SPAG17: variants seen among roughly 807,000 people sequenced by gnomAD.
The protein encoded by SPAG17 is sperm-associated antigen 17.
In SPAG17, 169 loss-of-function variants were observed where a neutral mutation model predicts 273.6. The ratio of observed to expected loss-of-function variants is 0.62; its 90% CI spans 0.55 to 0.70. SPAG17 has a LOEUF of 0.70. Ranked by LOEUF, SPAG17 falls within the 30% of genes least tolerant of loss-of-function variation. SPAG17 has a pLI of 0.00. For missense variants in SPAG17, 2,557 were observed against 2,627.8 expected, an observed-to-expected ratio of 0.97 and a Z score of 0.59; for synonymous variants, 825 against 873.2, an observed-to-expected ratio of 0.94 and a Z score of 0.97.
chr1:118,104,871 G>A (rs1656290362), intron 4 of SPAG17, among the ~76,000 whole-genome samples: 1 of 152,156 alleles, frequency 6.6e-6, no homozygotes, highest in Non-Finnish European at 1.5e-5. Flanking sequence ...AGAGCTCTGA[G>A]TTGTTCAGTG....
intron 18 of SPAG17, among the ~76,000 whole-genome samples, chr1:118,057,550 T>C (rs528903019): frequency 6.6e-6 from 1 of 152,160 alleles, no homozygotes; most frequent in South Asian, 2.1e-4. Flanking sequence ...GAGAACAAAA[T>C]AAATATTAAA....
intron 28 of SPAG17, among the ~76,000 whole-genome samples, chr1:118,018,669 C>T (rs998038304): frequency 9.1e-6 from 1 of 109,434 alleles, no homozygotes; most frequent in African/African-American, 3.5e-5. Flanking sequence ...TTCACTGCTA[C>T]AAAAAAAAAA....
chr1:118,085,988 G>C lies in SPAG17; in HGVS notation c.1696C>G (p.Pro566Ala). The change falls in exon 13 of 49, where the codon CCC (proline) becomes GCC (alanine). Residue 566 changes from proline to alanine, a missense_variant. Pro to Ala is a conservative substitution (Grantham distance 27). Coordinates refer to ENST00000336338, the MANE Select transcript of SPAG17 (RefSeq NM_206996.4). Reference sequence around the variant, plus strand: ...CGTTTAGTGTTGTTCCATGGTGGGGGTAGAGGGAATTGAAGAAATTCCCAC... The same window carrying C: ...CGTTTAGTGTTGTTCCATGGTGGGGCTAGAGGGAATTGAAGAAATTCCCAC... ...PLWEFLQFPLPPPWNNTKRLA... is the reference protein window; with the variant it reads ...PLWEFLQFPLAPPWNNTKRLA... 1 of 1,613,774 alleles carries C rather than the reference G, an allele frequency of 6.2e-7. No individual in the cohort carries two copies. Among genetic ancestry groups the C allele is most frequent in the Non-Finnish European group, 8.5e-7 (1 of 1,179,886 alleles).
At chr1:117,992,418 T>C (rs778980883) in intron 36 of SPAG17, 48 bp downstream of exon 36, 6 of 1,499,642 alleles carry the variant, frequency 4.0e-6, no homozygotes, top group Admixed American at 2.3e-5. Context: ...AAAGCAATGA[T>C]TGCTCTGTTT....
rs373099014 is a variant in SPAG17 at position 118,073,329 on chromosome 1, C to T, written c.2385+525G>A. On this transcript the variant is annotated intron_variant, in intron 17 of 48. Transcript: ENST00000336338. ...GTCAAGGTGCCTCAGTTTCTTACTG[C>T]TTACATAGTTTCTACTTCACAGGGT... 6.6e-4 allele frequency among the ~76,000 whole-genome samples: 101 copies of T among 152,210 alleles called. 1 individual carries two copies. In the South Asian group the frequency reaches 0.021, roughly 31 times the overall value.
chr1:118,140,619 C>T (rs894283088), intron 3 of SPAG17, among the ~76,000 whole-genome samples: 1 of 152,140 alleles, frequency 6.6e-6, no homozygotes, highest in Non-Finnish European at 1.5e-5. Flanking sequence ...ACAAGGGCAC[C>T]GATCTGCCAA....
In SPAG17 at chr1:118,036,353, G is replaced by A. The variant is rs141534084; in HGVS notation, c.3433+417C>T. The stretch of plus-strand genomic sequence containing the variant: ...CAGGATTCACAAAGAAAACCAAGAG[G>A]ATTCCTTGGCAATTTATGCTTTCTT... On this transcript the variant is annotated intron_variant, in intron 24 of 48. Transcript: ENST00000336338. Among the ~76,000 whole-genome samples, 438 of 152,046 alleles carry A rather than the reference G, an allele frequency of 2.9e-3. 2 individuals are homozygous for A. The highest frequency in any genetic ancestry group is 0.014 in the Middle Eastern group (4 of 294).
At chr1:118,077,661 T>C (rs1654215227) in intron 15 of SPAG17, among the ~76,000 whole-genome samples, 1 of 152,160 alleles carries the variant, frequency 6.6e-6, no homozygotes, top group Non-Finnish European at 1.5e-5. Context: ...TAGGATACAC[T>C]ATCGCCATAA....
intron 31 of SPAG17, 116 bp downstream of exon 31, chr1:118,007,928 A>G: frequency 9.9e-7 from 1 of 1,007,552 alleles, no homozygotes; most frequent in Non-Finnish European, 1.5e-6. Context: ...GTATTATAAG[A>G]GAATGAAAGC....
chr1:118,138,825 T>C (rs974857677), intron 3 of SPAG17, among the ~76,000 whole-genome samples: 1 of 152,188 alleles, frequency 6.6e-6, no homozygotes, highest in Non-Finnish European at 1.5e-5. Flanking sequence ...ATACTTACTA[T>C]GTATCAGCAC....
At chr1:118,086,531 A>G (rs754108825) in intron 12 of SPAG17, 140 bp downstream of exon 12, 1 of 769,648 alleles carries the variant, frequency 1.3e-6, no homozygotes, top group Non-Finnish European at 2.1e-6. Context: ...TCCAGGTCCT[A>G]CTTTGTATGC....
chr1:117,975,260 CT>C (rs967327704), intron 43 of SPAG17, among the ~76,000 whole-genome samples: 1 of 152,156 alleles, frequency 6.6e-6, no homozygotes, highest in Admixed American at 6.6e-5. Flanking sequence ...AAATACTCTC[CT>C]GGAAAGCCAG....
Position 118,087,002 on chromosome 1 carries a change from C to A in SPAG17, c.1366G>T (p.Ala456Ser). 6.4e-7 allele frequency: 1 copy of A among 1,562,916 alleles called. No individual in the cohort carries two copies. The change falls in exon 11 of 49, where the codon GCA becomes TCA. Residue 456 changes from alanine (A) to serine (S), a missense_variant. Physicochemically the swap from Ala to Ser is moderately conservative, Grantham distance 99 (BLOSUM62 1). Coordinates refer to ENST00000336338, the MANE Select transcript of SPAG17 (RefSeq NM_206996.4). ...ILHCMLEQVV[A>S]TEEDLVPPSL... ...GGTGGGACGAGATCTTCTTCAGTTG[C>A]AACAACCTGTTGAAATCAACAATGA...
In SPAG17 at chr1:117,996,714, T is replaced by C. The variant is rs758700968; in HGVS notation, c.4806A>G (p.Ile1602Met). The C allele has an allele frequency of 6.2e-7, 1 of 1,611,778 alleles. No individual in the cohort carries two copies. The highest frequency in any genetic ancestry group is 8.5e-7 in the Non-Finnish European group (1 of 1,179,006). ...QVMADGSISTILPEKKLEDDL... is the reference protein window; with the variant it reads ...QVMADGSISTMLPEKKLEDDL... ...CATCTTCCAATTTTTTTTCAGGTAATATAGTTGATATGCTACCATCAGCCA... is the reference window on the plus strand; with the variant it reads ...CATCTTCCAATTTTTTTTCAGGTAACATAGTTGATATGCTACCATCAGCCA... The change falls in exon 33 of 49, where the codon ATA becomes ATG. Residue 1602 changes from isoleucine (I) to methionine (M), a missense_variant. Coordinates refer to ENST00000336338, the MANE Select transcript of SPAG17 (RefSeq NM_206996.4).
At chr1:117,980,172 G>A (rs1655620646) in intron 43 of SPAG17, among the ~76,000 whole-genome samples, 1 of 152,178 alleles carries the variant, frequency 6.6e-6, no homozygotes, top group African/African-American at 2.4e-5. Flanking sequence ...ACTTGTAGGA[G>A]AGAAGTTTAA....
chr1:118,043,306 C>G (rs551165382), intron 20 of SPAG17, among the ~76,000 whole-genome samples: 1 of 152,146 alleles, frequency 6.6e-6, no homozygotes, highest in East Asian at 1.9e-4. Flanking sequence ...ACCAATAAAT[C>G]AAAAACAGGA....
chr1:117,966,390 A>C (rs1653850518), intron 47 of SPAG17: 1 of 395,738 alleles, frequency 2.5e-6, no homozygotes, highest in Non-Finnish European at 4.4e-6. Context: ...ACATTTATTC[A>C]ATCTGAAGTT....
intron 4 of SPAG17, among the ~76,000 whole-genome samples, chr1:118,111,416 G>C (rs568433309): frequency 1.3e-5 from 2 of 151,968 alleles, no homozygotes; most frequent in Non-Finnish European, 2.9e-5. Flanking sequence ...GAAACCACAC[G>C]GGTCCTTCTA....
chr1:118,150,417 A>T (rs2102348125), intron 3 of SPAG17, 126 bp downstream of exon 3: 1 of 472,876 alleles, frequency 2.1e-6, no homozygotes, highest in East Asian at 3.6e-5. Flanking sequence ...CATCAGGAAC[A>T]AATATCTCCA....
Sources: gnomAD v4.1 joint callset for allele counts (sites outside exome capture counted in the v4.1 genomes callset) on GRCh38, gnomAD v4.1.1 for gene constraint, MANE v1.5 for transcripts, NCBI Gene and HGNC (gene_info 2026-07-23, HGNC 2026-07-21) for gene names.